SMYD3: variants seen among roughly 807,000 people sequenced by gnomAD.
SMYD3 encodes the protein SET and MYND domain containing 3, also known as histone-lysine N-methyltransferase SMYD3.
SMYD3 carries 36 observed loss-of-function variants against 57.7 expected under a neutral mutation model. The ratio of observed to expected loss-of-function variants is 0.62; its 90% CI spans 0.48 to 0.82. The LOEUF is 0.82. SMYD3 is among the 40% of genes least tolerant of loss of function. The pLI is 0.00. For missense variants in SMYD3, 515 were observed against 538.8 expected, an observed-to-expected ratio of 0.96 and a Z score of 0.44; for synonymous variants, 211 against 195.0, an observed-to-expected ratio of 1.08 and a Z score of -0.68.
At chr1:246,058,593 A>G (rs1166650212) in intron 5 of SMYD3, among the ~76,000 whole-genome samples, 3 of 152,084 alleles carry the variant, frequency 2.0e-5, no homozygotes, top group Non-Finnish European at 4.4e-5. Context: ...TTTCTCAAAC[A>G]TTTGGAAGAT....
chr1:245,875,519 T>A (rs1362435036), intron 8 of SMYD3, among the ~76,000 whole-genome samples: 1 of 152,200 alleles, frequency 6.6e-6, no homozygotes, highest in East Asian at 1.9e-4. Flanking sequence ...ACATCAAACC[T>A]CAAATCTGTC....
At chr1:246,209,696 T>C (rs1346423978) in intron 5 of SMYD3, among the ~76,000 whole-genome samples, 1 of 152,176 alleles carries the variant, frequency 6.6e-6, no homozygotes, top group Non-Finnish European at 1.5e-5. Context: ...TGCAGAACAC[T>C]GAGATCAAGA....
chr1:246,017,740 G>A (rs1013581847), intron 5 of SMYD3, among the ~76,000 whole-genome samples: 12 of 152,172 alleles, frequency 7.9e-5, no homozygotes, highest in African/African-American at 2.7e-4. Context: ...GAATTTGGGA[G>A]TGGGGAGAGT....
chr1:246,189,835 G>A (rs1251922173), intron 5 of SMYD3, among the ~76,000 whole-genome samples: 1 of 152,156 alleles, frequency 6.6e-6, no homozygotes, highest in East Asian at 1.9e-4. Context: ...AAAACTCCCA[G>A]GCACAGCAAC....
At chr1:245,805,367 A>G (rs1378184149) in intron 10 of SMYD3, among the ~76,000 whole-genome samples, 4 of 152,248 alleles carry the variant, frequency 2.6e-5, no homozygotes, top group African/African-American at 9.6e-5. Flanking sequence ...TAAAATTATC[A>G]AATTGTTATT....
chr1:245,760,518 T>C (rs2045801370), intron 11 of SMYD3, among the ~76,000 whole-genome samples: 1 of 152,080 alleles, frequency 6.6e-6, no homozygotes, highest in Non-Finnish European at 1.5e-5. Context: ...GCAAAGGTCA[T>C]GAGAAGATCT....
intron 5 of SMYD3, among the ~76,000 whole-genome samples, chr1:246,093,735 C>T (rs2060862342): frequency 6.6e-6 from 1 of 151,610 alleles, no homozygotes; most frequent in South Asian, 2.1e-4. Context: ...GATAACAAAA[C>T]CTCAGAGTAA....
chr1:246,343,434 T>C (rs2027259), intron 2 of SMYD3, among the ~76,000 whole-genome samples: 22,054 of 152,000 alleles, frequency 0.15, 2,162 homozygotes, highest in East Asian at 0.43. Context: ...TTAGCCCCAT[T>C]TGAGAGTGAA....
At chr1:246,330,176 G>A (rs2065436269) in intron 4 of SMYD3, among the ~76,000 whole-genome samples, 1 of 152,098 alleles carries the variant, frequency 6.6e-6, no homozygotes, top group South Asian at 2.1e-4. Flanking sequence ...AGGAAACCAA[G>A]AGACAGAAGA....
At chr1:245,776,490 G>A (rs1246935741) in intron 10 of SMYD3, among the ~76,000 whole-genome samples, 3 of 152,168 alleles carry the variant, frequency 2.0e-5, no homozygotes, top group African/African-American at 7.2e-5. Context: ...GCATCAATGA[G>A]CTTACCAAGC....
intron 5 of SMYD3, among the ~76,000 whole-genome samples, chr1:245,993,815 G>A (rs2058865483): frequency 6.6e-6 from 1 of 152,182 alleles, no homozygotes; most frequent in Non-Finnish European, 1.5e-5. Flanking sequence ...TTCGGGGGAT[G>A]GATGGTGGTG....
intron 10 of SMYD3, among the ~76,000 whole-genome samples, chr1:245,781,750 C>A (rs1173179488): frequency 6.6e-6 from 1 of 152,060 alleles, no homozygotes; most frequent in Non-Finnish European, 1.5e-5. Flanking sequence ...GGAGGCCGAG[C>A]ACTGGGGTCA....
At chr1:245,938,819 GT>G (rs2057091891) in intron 5 of SMYD3, among the ~76,000 whole-genome samples, 1 of 152,060 alleles carries the variant, frequency 6.6e-6, no homozygotes, top group South Asian at 2.1e-4. Flanking sequence ...TCCTGAGTTG[GT>G]AAGTAGCTAA....
intron 5 of SMYD3, among the ~76,000 whole-genome samples, chr1:246,152,342 C>G (rs1252023314): frequency 6.6e-6 from 1 of 152,176 alleles, no homozygotes; most frequent in Non-Finnish European, 1.5e-5. Flanking sequence ...CAAGGACACT[C>G]AGAACTGACT....
At position 246,384,427 on chromosome 1, in the gene SMYD3, A is replaced by G. The variant is rs965889059; in HGVS notation, c.165-29333T>C. On this transcript the variant is annotated intron_variant, in intron 1 of 11. Coordinates refer to ENST00000490107, the MANE Select transcript of SMYD3 (RefSeq NM_001167740.2). ...TTTTTTTTTTTTGAGACAGAGTCTC[A>G]CTCTGTCGCCCAAGCTAGAGTGCAG... Among the ~76,000 whole-genome samples, 10 of 151,806 alleles carry G rather than the reference A, an allele frequency of 6.6e-5. 1 individual carries two copies. In the South Asian group the frequency reaches 1.9e-3, roughly 28 times the overall value.
At chr1:245,855,079 A>C (rs1558424799) in intron 10 of SMYD3, among the ~76,000 whole-genome samples, 4 of 152,130 alleles carry the variant, frequency 2.6e-5, no homozygotes, top group Admixed American at 1.3e-4. Flanking sequence ...TTTGAAGATG[A>C]GGCTGATTTT....
intron 8 of SMYD3, among the ~76,000 whole-genome samples, chr1:245,869,890 T>G (rs2052085439): frequency 6.6e-6 from 1 of 152,202 alleles, no homozygotes; most frequent in South Asian, 2.1e-4. Flanking sequence ...CAGCCCCTGC[T>G]GTACTCTATC....
At chr1:246,068,255 C>T (rs2148373458) in intron 5 of SMYD3, among the ~76,000 whole-genome samples, 1 of 146,898 alleles carries the variant, frequency 6.8e-6, no homozygotes. Context: ...ACTGTTAAGT[C>T]TAGACACTGG....
chr1:246,078,113 G>A (rs991869740), intron 5 of SMYD3, among the ~76,000 whole-genome samples: 1 of 151,952 alleles, frequency 6.6e-6, no homozygotes, highest in Non-Finnish European at 1.5e-5. Context: ...TAAAATGTCA[G>A]ACAACTTTTA....
Sources: allele counts gnomAD v4.1 joint callset (sites outside exome capture counted in the v4.1 genomes callset), GRCh38; gene constraint gnomAD v4.1.1; transcripts MANE v1.5; gene names NCBI Gene and HGNC (gene_info 2026-07-23, HGNC 2026-07-21).